GPC6: variants seen among roughly 807,000 people sequenced by gnomAD.
GPC6 encodes the protein glypican 6.
Under a neutral mutation model 55.2 loss-of-function variants are expected in GPC6, and 14 were observed. The observed-to-expected ratio is 0.25, with a 90% CI of 0.17 to 0.40. The LOEUF (loss-of-function observed/expected upper bound fraction) is 0.40, where lower values mean the gene tolerates loss of function less well. Ranked by LOEUF, GPC6 falls within the 10% of genes least tolerant of loss-of-function variation. GPC6 has a pLI of 1.00. For missense variants in GPC6, 641 were observed against 708.5 expected, an observed-to-expected ratio of 0.90 and a Z score of 1.08; for synonymous variants, 278 against 259.6, an observed-to-expected ratio of 1.07 and a Z score of -0.68.
chr13:94,096,053 GC>G (rs1202549869), intron 4 of GPC6, among the ~76,000 whole-genome samples: 1 of 152,096 alleles, frequency 6.6e-6, no homozygotes, highest in Non-Finnish European at 1.5e-5. Context: ...CAAAAGTTTT[GC>G]TGGAAAGGAT....
At chr13:93,554,821 T>C (rs1034208222) in intron 2 of GPC6, among the ~76,000 whole-genome samples, 12 of 152,224 alleles carry the variant, frequency 7.9e-5, no homozygotes, top group African/African-American at 2.7e-4. Context: ...CTGTGCATGG[T>C]CCACAGTGCT....
chr13:93,756,241 T>C (rs1443729787), intron 2 of GPC6, among the ~76,000 whole-genome samples: 1 of 152,148 alleles, frequency 6.6e-6, no homozygotes, highest in African/African-American at 2.4e-5. Context: ...AGGATTAAAT[T>C]GCACACTTCA....
rs1886411045 is a variant in GPC6 at position 94,115,713 on chromosome 13, A to G, written c.877+87819A>G. Among the ~76,000 whole-genome samples the G allele has an allele frequency of 1.3e-5, 2 of 152,076 alleles. 1 individual carries two copies. The highest frequency in any genetic ancestry group is 4.1e-4 in the South Asian group (2 of 4,826). ...TGGAATTCCTAAGTTCTCAACACAA[A>G]CCTACGAACATTTCTATGTGGATGC... On this transcript the variant is annotated intron_variant, in intron 4 of 8. Coordinates refer to ENST00000377047, the MANE Select transcript of GPC6 (RefSeq NM_005708.5).
chr13:93,347,812 C>A (rs943499016), intron 1 of GPC6, among the ~76,000 whole-genome samples: 1 of 152,138 alleles, frequency 6.6e-6, no homozygotes, highest in Admixed American at 6.5e-5. Context: ...GTGACTGAGT[C>A]CTCCCAAAAG....
intron 3 of GPC6, among the ~76,000 whole-genome samples, chr13:93,977,430 C>T (rs755584423): frequency 1.3e-5 from 2 of 148,312 alleles, no homozygotes; most frequent in Non-Finnish European, 3.0e-5. Flanking sequence ...TTATTCCAAG[C>T]CAAATTGGTT....
chr13:93,459,182 C>T (rs1878587605), intron 1 of GPC6, among the ~76,000 whole-genome samples: 1 of 152,204 alleles, frequency 6.6e-6, no homozygotes. Context: ...CTTCTACCTT[C>T]TCAGTAGCTG....
intron 3 of GPC6, among the ~76,000 whole-genome samples, chr13:93,891,666 A>G (rs1325718378): frequency 6.6e-6 from 1 of 151,888 alleles, no homozygotes; most frequent in Non-Finnish European, 1.5e-5. Flanking sequence ...ACACACACAC[A>G]TTCTATACAC....
chr13:93,931,945 G>A (rs772752936), intron 3 of GPC6, among the ~76,000 whole-genome samples: 12 of 152,096 alleles, frequency 7.9e-5, no homozygotes, highest in Non-Finnish European at 1.3e-4. Context: ...ACAGCTAGTA[G>A]TTGCGGGATA....
chr13:93,354,878 C>G, intron 1 of GPC6, among the ~76,000 whole-genome samples: 1 of 152,096 alleles, frequency 6.6e-6, no homozygotes, highest in East Asian at 1.9e-4. Flanking sequence ...TGGAAATTCC[C>G]AGGAAAGAGA....
chr13:94,358,955 C>G (rs558223982), intron 6 of GPC6, among the ~76,000 whole-genome samples: 1 of 152,284 alleles, frequency 6.6e-6, no homozygotes, highest in Admixed American at 6.5e-5. Flanking sequence ...TGTGGAGTCA[C>G]CTTTTTGGAC....
chr13:94,079,040 T>A (rs933440925), intron 4 of GPC6, among the ~76,000 whole-genome samples: 1 of 151,948 alleles, frequency 6.6e-6, no homozygotes, highest in African/African-American at 2.4e-5. Context: ...AAAATACTTT[T>A]AAAAAATAAG....
At position 94,403,193 on chromosome 13, in the gene GPC6, G is replaced by A; in HGVS notation, c.1644G>A (p.Leu548=). ...LLSWSLTCIV[L]ALQRLCR is the part of the protein sequence containing the mutation. ...CCTGGTCTCTCACCTGCATTGTCCTGGCACTGCAGAGACTGTGCAGATAAT... is the reference window on the plus strand; with the variant it reads ...CCTGGTCTCTCACCTGCATTGTCCTAGCACTGCAGAGACTGTGCAGATAAT... The change falls in exon 9 of 9, where the codon CTG becomes CTA. Residue 548 remains leucine, a synonymous_variant. Transcript: ENST00000377047. 6.2e-7 allele frequency: 1 copy of A among 1,613,634 alleles called. No individual in the cohort carries two copies.
chr13:94,312,221 T>C (rs1876284186), intron 6 of GPC6, among the ~76,000 whole-genome samples: 1 of 152,226 alleles, frequency 6.6e-6, no homozygotes, highest in Non-Finnish European at 1.5e-5. Context: ...AAAAATACAC[T>C]GTAACTTTTG....
intron 1 of GPC6, among the ~76,000 whole-genome samples, chr13:93,432,734 A>T (rs1877408262): frequency 6.6e-6 from 1 of 152,166 alleles, no homozygotes; most frequent in Non-Finnish European, 1.5e-5. Flanking sequence ...TGAGGTAGAA[A>T]AGTAATGATA....
At chr13:94,202,279 A>C (rs1329384285) in intron 4 of GPC6, among the ~76,000 whole-genome samples, 1 of 152,214 alleles carries the variant, frequency 6.6e-6, no homozygotes, top group South Asian at 2.1e-4. Context: ...AAGATGTGTA[A>C]GTTCTCTAAG....
chr13:93,441,707 G>A (rs539812177), intron 1 of GPC6, among the ~76,000 whole-genome samples: 52 of 152,096 alleles, frequency 3.4e-4, no homozygotes, highest in South Asian at 8.3e-4. Flanking sequence ...ATTAGATCCC[G>A]TTTGTCAATT....
At chr13:93,585,434 A>G (rs567502075) in intron 2 of GPC6, among the ~76,000 whole-genome samples, 1 of 152,306 alleles carries the variant, frequency 6.6e-6, no homozygotes, top group African/African-American at 2.4e-5. Context: ...GAGTCTTTTC[A>G]TTTTGACCTA....
intron 3 of GPC6, among the ~76,000 whole-genome samples, chr13:93,949,507 A>G (rs555687116): frequency 6.6e-6 from 1 of 152,328 alleles, no homozygotes; most frequent in South Asian, 2.1e-4. Context: ...AAATGTGTAT[A>G]TTATACATGA....
At chr13:93,913,376 T>A (rs11843509) in intron 3 of GPC6, among the ~76,000 whole-genome samples, 2 of 152,274 alleles carry the variant, frequency 1.3e-5, no homozygotes, top group Admixed American at 6.5e-5. Context: ...TAGCTTCACC[T>A]GAGAAAGGAT....
Sources: allele counts gnomAD v4.1 joint callset (sites outside exome capture counted in the v4.1 genomes callset), GRCh38; gene constraint gnomAD v4.1.1; transcripts MANE v1.5; gene names NCBI Gene and HGNC (gene_info 2026-07-23, HGNC 2026-07-21).